DENND2A: variants seen among roughly 807,000 people sequenced by gnomAD.
DENND2A encodes DENN domain containing 2A.
A neutral mutation model predicts 105.3 loss-of-function variants in DENND2A; 53 were observed. The observed-to-expected ratio is 0.50, with a 90% CI of 0.40 to 0.63. The LOEUF (loss-of-function observed/expected upper bound fraction) is 0.63, where lower values mean the gene tolerates loss of function less well. Ranked by LOEUF, DENND2A falls within the 30% of genes least tolerant of loss-of-function variation. DENND2A has a pLI of 0.00. For missense variants in DENND2A, 1,138 were observed against 1,279.6 expected, an observed-to-expected ratio of 0.89 and a Z score of 1.69; for synonymous variants, 522 against 508.4, an observed-to-expected ratio of 1.03 and a Z score of -0.36.
rs545336859 is a variant in DENND2A, at chr7:140,615,700, G to A, written c.-247-9894C>T. On this transcript the variant is annotated intron_variant, in intron 1 of 19. Coordinates refer to ENST00000496613, the MANE Select transcript of DENND2A (RefSeq NM_015689.5). ...AGGCAAGAGCGCACCACCCTGTCCG[G>A]CTATTTTTTTTTTTTGTATTTTTTT... Among the ~76,000 whole-genome samples, 203 of 149,802 alleles carry A rather than the reference G, an allele frequency of 1.4e-3. 1 individual carries two copies. Among genetic ancestry groups the A allele is most frequent in the African/African-American group, 5.0e-3 (197 of 39,436 alleles).
At chr7:140,556,050 ACT>A (rs1194347697) in intron 11 of DENND2A, among the ~76,000 whole-genome samples, 2 of 151,974 alleles carry the variant, frequency 1.3e-5, no homozygotes, top group Non-Finnish European at 2.9e-5. Context: ...ATGGAGTCTC[ACT>A]CTGTCACCAG....
chr7:140,572,376 C>T (rs988004473), intron 6 of DENND2A, among the ~76,000 whole-genome samples: 20 of 152,034 alleles, frequency 1.3e-4, no homozygotes, highest in Admixed American at 1.1e-3. Context: ...CAGTGTCCCA[C>T]ACCGAAACTT....
chr7:140,571,567 T>C (rs999484659), intron 6 of DENND2A, among the ~76,000 whole-genome samples: 15 of 152,068 alleles, frequency 9.9e-5, no homozygotes, highest in Non-Finnish European at 2.9e-5. Context: ...TGGGGTCAAA[T>C]GTCCTCATCG....
In DENND2A at chr7:140,602,267, A is replaced by G; in HGVS notation, c.131T>C (p.Leu44Pro). 1.2e-6 allele frequency: 2 copies of G among 1,612,830 alleles called. No individual in the cohort carries two copies. Among genetic ancestry groups the G allele is most frequent in the Admixed American group, 1.7e-5 (1 of 60,016 alleles). The change falls in exon 3 of 20, where the codon CTC becomes CCC. Residue 44 changes from leucine to proline, a missense_variant. Physicochemically the swap from Leu to Pro is moderately conservative, Grantham distance 98. Around this residue, in one of 2 missense-constraint regions of DENND2A, gnomAD observed 511 missense variants for 499.9 expected, o/e 1.02. Transcript: ENST00000496613. The part of the protein sequence containing the change: ...SARARPRHKS[L>P]NIKDKISEWE... ...TTCTGATATCTTGTCCTTTATGTTG[A>G]GGGACTTGTGCCGGGGTCTGGCTCT... is the stretch of plus-strand genomic sequence containing the variant.
intron 1 of DENND2A, among the ~76,000 whole-genome samples, chr7:140,619,079 T>C (rs1800187749): frequency 6.6e-6 from 1 of 152,238 alleles, no homozygotes; most frequent in Non-Finnish European, 1.5e-5. Flanking sequence ...ATTACAGGCA[T>C]GAGCCACCGC....
intron 12 of DENND2A, among the ~76,000 whole-genome samples, chr7:140,554,623 G>C (rs1272508599): frequency 6.6e-6 from 1 of 152,152 alleles, no homozygotes; most frequent in African/African-American, 2.4e-5. Flanking sequence ...GTGATAGAGT[G>C]AGACTCTGTC....
chr7:140,534,081 A>ATTTTTTT (rs3042407), intron 14 of DENND2A, among the ~76,000 whole-genome samples: 5 of 80,106 alleles, frequency 6.2e-5, no homozygotes, highest in Admixed American at 1.7e-4. Context: ...TGCCTGGTTA[A>ATTTTTTT]TTTTTTTTTT....
At chr7:140,588,240 C>A (rs1425692710) in intron 3 of DENND2A, among the ~76,000 whole-genome samples, 1 of 152,048 alleles carries the variant, frequency 6.6e-6, no homozygotes, top group African/African-American at 2.4e-5. Context: ...TGTGAAAATC[C>A]ATGAATAAGA....
At chr7:140,577,130 A>T (rs975989034) in intron 5 of DENND2A, among the ~76,000 whole-genome samples, 10 of 152,174 alleles carry the variant, frequency 6.6e-5, no homozygotes, top group African/African-American at 2.4e-4. Flanking sequence ...ATGTTCAGGG[A>T]GCTTTCATGA....
At chr7:140,544,933 T>C in intron 13 of DENND2A, 167 bp from the exon 14 acceptor site, 3 of 787,494 alleles carry the variant, frequency 3.8e-6, no homozygotes, top group Non-Finnish European at 4.6e-6. Context: ...AAAAGAAAGA[T>C]GCCAGAAGAC....
chr7:140,618,842 C>T (rs1017555958), intron 1 of DENND2A, among the ~76,000 whole-genome samples: 10 of 151,232 alleles, frequency 6.6e-5, no homozygotes, highest in African/African-American at 2.2e-4. Context: ...CTTGCTCTGT[C>T]GCTTAGGCTG....
chr7:140,585,707 G>A lies in DENND2A; in HGVS notation c.1127C>T (p.Pro376Leu), dbSNP rs146125611. The A allele has an allele frequency of 1.4e-4, 227 of 1,614,140 alleles. 1 individual carries two copies. In the African/African-American group the frequency reaches 2.7e-3, roughly 19 times the overall value. The change falls in exon 5 of 20, where the codon CCG becomes CTG. Residue 376 changes from proline to leucine, a missense_variant. Physicochemically the swap from Pro to Leu is moderately conservative, Grantham distance 98. This residue lies in a region of DENND2A where 511 missense variants were observed against 499.9 expected (regional missense o/e 1.02). Transcript: ENST00000496613. ...EENVYEDILD[P>L]PMKENPYEDI... ...CTCATAAGGGTTCTCCTTCATTGGCGGATCTGTGTTCAAAGGCAATGTGTC... is the reference window on the plus strand; with the variant it reads ...CTCATAAGGGTTCTCCTTCATTGGCAGATCTGTGTTCAAAGGCAATGTGTC...
At chr7:140,542,013 T>G (rs904065422) in intron 14 of DENND2A, among the ~76,000 whole-genome samples, 2 of 152,102 alleles carry the variant, frequency 1.3e-5, no homozygotes, top group Non-Finnish European at 2.9e-5. Context: ...TTTCCATAGT[T>G]CAGAGTCAGA....
At chr7:140,604,890 G>A (rs763372109) in intron 2 of DENND2A, among the ~76,000 whole-genome samples, 2 of 152,198 alleles carry the variant, frequency 1.3e-5, no homozygotes, top group Non-Finnish European at 2.9e-5. Flanking sequence ...ATGAATTCAT[G>A]AGTTAACATG....
chr7:140,527,489 C>T lies in DENND2A; in HGVS notation c.2334G>A (p.Leu778=), dbSNP rs761009784. Residue 778 remains leucine, a synonymous_variant, in exon 15 of 20, where the codon CTG becomes CTA. Coordinates refer to ENST00000496613, the MANE Select transcript of DENND2A (RefSeq NM_015689.5). This position sits in a 1 kb window ranked among gnomAD's most constrained non-coding sequence, Gnocchi z 4.9. ...CCACCATCGCGTGGCAGCACTTGGA[C>T]AGGATGCTGCAGCCGGGGAGAGAAC... The part of the protein sequence containing the change: ...VIFIADKLSI[L]SKCCHAMVAL... 6.3e-7 allele frequency: 1 copy of T among 1,597,572 alleles called. No individual in the cohort carries two copies. The highest frequency in any genetic ancestry group is 1.1e-5 in the South Asian group (1 of 89,250).
intron 2 of DENND2A, among the ~76,000 whole-genome samples, chr7:140,603,938 T>C (rs1362800329): frequency 6.6e-6 from 1 of 152,222 alleles, no homozygotes; most frequent in Admixed American, 6.5e-5. Context: ...CCAAATGTAA[T>C]TTTAGATTAG....
intron 1 of DENND2A, among the ~76,000 whole-genome samples, chr7:140,621,061 G>A (rs775807351): frequency 5.3e-5 from 8 of 152,098 alleles, no homozygotes; most frequent in East Asian, 1.9e-4. Context: ...ACAAGGTCTC[G>A]CTCTGTCGCC....
rs1798851947 is a variant in DENND2A, at chr7:140,587,846, A to G, written c.996-66T>C. On this transcript the variant is annotated intron_variant, in intron 3 of 19. Transcript: ENST00000496613. ...ATCAAATTAGGCTGTTTCAGAGAAT[A>G]TATTAATATATCCCCTCGGCCAAAT... 4 of 1,424,230 alleles carry G rather than the reference A, an allele frequency of 2.8e-6. No individual in the cohort carries two copies. The East Asian group carries it at 1.0e-4, about 37-fold the overall frequency. The allele number at this position is 1,424,230 out of a possible 1,614,324, so 88.2% of individuals were successfully genotyped here.
rs1315793281 is a variant in DENND2A, at chr7:140,547,870, T to A, written c.2038-931A>T. Among the ~76,000 whole-genome samples, 3 of 152,164 alleles carry A rather than the reference T, an allele frequency of 2.0e-5. No individual in the cohort carries two copies. In the East Asian group the frequency reaches 5.8e-4, roughly 29 times the overall value. On this transcript the variant is annotated intron_variant, in intron 12 of 19. Coordinates refer to ENST00000496613, the MANE Select transcript of DENND2A (RefSeq NM_015689.5). Reference sequence around the variant, plus strand: ...AAACATTATGCTAAATGAAAGAAGCTAGTCATAAAAGGCCATCTAATGTAT... The same window carrying A: ...AAACATTATGCTAAATGAAAGAAGCAAGTCATAAAAGGCCATCTAATGTAT...
Sources: gnomAD v4.1 joint callset for allele counts (sites outside exome capture counted in the v4.1 genomes callset) on GRCh38, gnomAD v4.1.1 for gene constraint, gnomAD v4.1.1 regional missense constraint, Gnocchi (gnomAD v3.1) non-coding constraint, MANE v1.5 for transcripts, NCBI Gene and HGNC (gene_info 2026-07-23, HGNC 2026-07-21) for gene names.